Variants in LHFPL2 observed in about 807,000 individuals in gnomAD.
LHFPL2 encodes the protein LHFPL tetraspan subfamily member 2, also known as LHFPL tetraspan subfamily member 2 protein.
Under a neutral mutation model 17.5 loss-of-function variants are expected in LHFPL2, and 7 were observed. The observed-to-expected ratio is 0.40, with a 90% confidence interval of 0.23 to 0.75. LHFPL2 has a LOEUF of 0.75. Ranked by LOEUF, LHFPL2 falls within the 30% of genes least tolerant of loss-of-function variation. The pLI, the probability that LHFPL2 is intolerant of heterozygous loss-of-function variation, is 0.37. For synonymous variants in LHFPL2, 134 were observed against 116.2 expected (o/e 1.15, Z -0.99); for missense variants, 241 against 294.8 (o/e 0.82, Z 1.34).
chr5:78,599,241 T>C (rs1203248263), intron 2 of LHFPL2, among the ~76,000 whole-genome samples: 1 of 152,148 alleles, frequency 6.6e-6, no homozygotes, highest in Non-Finnish European at 1.5e-5. Context: ...ACGACCATGA[T>C]TACTAGATAT....
intron 3 of LHFPL2, among the ~76,000 whole-genome samples, chr5:78,532,827 C>T (rs1393766093): frequency 6.6e-6 from 1 of 152,034 alleles, no homozygotes; most frequent in East Asian, 1.9e-4. Flanking sequence ...ATTTCACTTG[C>T]CTTTCAAGTA....
intron 3 of LHFPL2, among the ~76,000 whole-genome samples, chr5:78,546,659 A>G (rs1173394988): frequency 4.6e-5 from 7 of 152,258 alleles, no homozygotes; most frequent in Admixed American, 4.6e-4. Context: ...TCACCTGCAC[A>G]TATGACTAGA....
intron 1 of LHFPL2, among the ~76,000 whole-genome samples, chr5:78,634,611 G>A (rs189919561): frequency 6.6e-6 from 1 of 152,126 alleles, no homozygotes; most frequent in Middle Eastern, 3.2e-3. Flanking sequence ...CTTTCCAAGG[G>A]GTGTAATAAG....
At chr5:78,609,589 T>A (rs1248393831) in intron 2 of LHFPL2, among the ~76,000 whole-genome samples, 2 of 151,744 alleles carry the variant, frequency 1.3e-5, no homozygotes, top group Non-Finnish European at 2.9e-5. Flanking sequence ...CCACAATCCA[T>A]TGTGAAGAAA....
At chr5:78,543,080 G>A (rs1377705758) in intron 3 of LHFPL2, among the ~76,000 whole-genome samples, 1 of 152,170 alleles carries the variant, frequency 6.6e-6, no homozygotes, top group African/African-American at 2.4e-5. Context: ...CATGGTGCAG[G>A]CCAGGCAGAG....
At chr5:78,497,022 A>C (rs771908257) in intron 4 of LHFPL2, among the ~76,000 whole-genome samples, 2 of 152,196 alleles carry the variant, frequency 1.3e-5, no homozygotes, top group Non-Finnish European at 2.9e-5. Context: ...AGGCACTTGA[A>C]AATTATGTCC....
chr5:78,552,079 G>T (rs1206480145), intron 3 of LHFPL2, among the ~76,000 whole-genome samples: 1 of 151,448 alleles, frequency 6.6e-6, no homozygotes, highest in Non-Finnish European at 1.5e-5. Context: ...GTGTATACGT[G>T]TTTAATAAAT....
At chr5:78,543,534 C>T (rs191288355) in intron 3 of LHFPL2, among the ~76,000 whole-genome samples, 17 of 152,226 alleles carry the variant, frequency 1.1e-4, no homozygotes, top group African/African-American at 3.9e-4. Flanking sequence ...TGAGAGAGTG[C>T]GGCACAGTAG....
intron 3 of LHFPL2, among the ~76,000 whole-genome samples, chr5:78,538,319 A>C (rs1204452407): frequency 6.7e-6 from 1 of 149,532 alleles, no homozygotes; most frequent in East Asian, 1.9e-4. Context: ...CCTTATATAC[A>C]ACAGGTGGCT....
At chr5:78,548,439 T>C (rs2112388574) in intron 3 of LHFPL2, among the ~76,000 whole-genome samples, 1 of 152,330 alleles carries the variant, frequency 6.6e-6, no homozygotes, top group East Asian at 1.9e-4. Context: ...ACAGGCCCCC[T>C]GTGACATCTG....
intron 4 of LHFPL2, among the ~76,000 whole-genome samples, chr5:78,508,232 G>C (rs760974512): frequency 6.6e-6 from 1 of 152,118 alleles, no homozygotes; most frequent in South Asian, 2.1e-4. Flanking sequence ...ACTGAGACCC[G>C]GGGTGGTACA....
intron 1 of LHFPL2, 89 bp from the exon 2 acceptor site, chr5:78,632,457 T>C (rs912487072): frequency 2.0e-5 from 3 of 152,236 alleles, no homozygotes; most frequent in Admixed American, 6.5e-5. Context: ...AGTCTATGGC[T>C]AAGCTCTTTG....
At chr5:78,520,299 A>G (rs1197221920) in intron 3 of LHFPL2, among the ~76,000 whole-genome samples, 2 of 152,190 alleles carry the variant, frequency 1.3e-5, no homozygotes, top group Admixed American at 6.5e-5. Flanking sequence ...CTAGGCAGGC[A>G]GGCAGGAAAA....
chr5:78,500,554 C>A lies in LHFPL2; in HGVS notation c.430+9230G>T, dbSNP rs564118247. 3.7e-3 allele frequency among the ~76,000 whole-genome samples: 559 copies of A among 152,170 alleles called. 3 individuals carry two copies. The highest frequency in any genetic ancestry group is 4.8e-3 in the Non-Finnish European group (325 of 68,014). ...AGTTCTGGTTCTGTACCCTACAAGC[C>A]CAAATGAAATTAGCAAAGGTATTCA... On this transcript the variant is annotated intron_variant, in intron 4 of 4. Coordinates refer to ENST00000380345, the MANE Select transcript of LHFPL2 (RefSeq NM_005779.3).
rs1426693699 is a variant in LHFPL2 at position 78,509,775 on chromosome 5, C to A, written c.430+9G>T. On this transcript the variant is annotated intron_variant, in intron 4 of 4. Transcript: ENST00000380345. ...CCATCCCACCGTGCCCGGGGTCCTG[C>A]CTTCTTACCTGCAATTCCTTGCAAC... is the stretch of plus-strand genomic sequence containing the variant. 2 of 1,604,260 alleles carry A rather than the reference C, an allele frequency of 1.2e-6. No individual in the cohort carries two copies. Among genetic ancestry groups the A allele is most frequent in the African/African-American group, 1.3e-5 (1 of 74,690 alleles).
chr5:78,511,708 G>A (rs1280058663), intron 3 of LHFPL2, among the ~76,000 whole-genome samples: 1 of 152,218 alleles, frequency 6.6e-6, no homozygotes, highest in African/African-American at 2.4e-5. Flanking sequence ...CCAGCTGTCT[G>A]CCTGCTGGCT....
rs1426463772 is a variant in LHFPL2, at chr5:78,485,478, G to A, written c.*3419C>T. The A allele has an allele frequency of 6.6e-6, 1 of 152,608 alleles. No individual in the cohort carries two copies. The highest frequency in any genetic ancestry group is 6.5e-5 in the Admixed American group (1 of 15,274). 9.5% of individuals were successfully genotyped at this position (152,608 alleles called of 1,614,324 possible). ...CCTACTGACCCCCTCAGCCTTGGAAGGAGTTTCACCACAGTCTCAGAAGAA... is the reference window on the plus strand; with the variant it reads ...CCTACTGACCCCCTCAGCCTTGGAAAGAGTTTCACCACAGTCTCAGAAGAA... On this transcript the variant is annotated 3_prime_UTR_variant, in exon 5 of 5. Transcript: ENST00000380345.
intron 2 of LHFPL2, among the ~76,000 whole-genome samples, chr5:78,574,784 C>A (rs190419252): frequency 6.6e-6 from 1 of 152,332 alleles, no homozygotes; most frequent in Non-Finnish European, 1.5e-5. Context: ...TCTGCTGATG[C>A]ATGTTTTGGT....
chr5:78,530,759 A>G (rs960244710), intron 3 of LHFPL2, among the ~76,000 whole-genome samples: 2 of 152,210 alleles, frequency 1.3e-5, no homozygotes, highest in African/African-American at 4.8e-5. Context: ...TTCCATATGC[A>G]AATATGAAGA....
Sources: gnomAD v4.1 joint callset for allele counts (sites outside exome capture counted in the v4.1 genomes callset) on GRCh38, gnomAD v4.1.1 for gene constraint, MANE v1.5 for transcripts, NCBI Gene and HGNC (gene_info 2026-07-23, HGNC 2026-07-21) for gene names.